RTN4RL2: variants seen among roughly 807,000 people sequenced by gnomAD.
RTN4RL2 encodes the protein reticulon-4 receptor-like 2.
Under a neutral mutation model 27.8 loss-of-function variants are expected in RTN4RL2, and 9 were observed. The ratio of observed to expected loss-of-function variants is 0.32; its 90% CI spans 0.20 to 0.57. The LOEUF is 0.57. Ranked by LOEUF, RTN4RL2 falls within the 20% of genes least tolerant of loss-of-function variation. The pLI is 0.90. For synonymous variants in RTN4RL2, 285 were observed against 297.9 expected, an observed-to-expected ratio of 0.96 and a Z score of 0.45; for missense variants, 436 against 596.8, an observed-to-expected ratio of 0.73 and a Z score of 2.81.
At position 57,467,728 on chromosome 11, in the gene RTN4RL2, T is replaced by C; in HGVS notation, c.151T>C (p.Phe51Leu). 1 of 1,612,112 alleles carries C rather than the reference T, an allele frequency of 6.2e-7. No homozygotes were observed. Among genetic ancestry groups the C allele is most frequent in the Non-Finnish European group, 8.5e-7 (1 of 1,179,684 alleles). ...CACCGTGAGCTGCCAGGCCAACAAC[T>C]TCTCCTCTGTGCCGCTGTCCCTGCC... ...PPTVSCQANN[F>L]SSVPLSLPPS... Residue 51 changes from phenylalanine (F) to leucine (L), a missense_variant, in exon 2 of 3, where the codon TTC becomes CTC. This residue lies in a region of RTN4RL2 where 365 missense variants were observed against 530.5 expected (regional missense o/e 0.69). Coordinates refer to ENST00000335099, the MANE Select transcript of RTN4RL2 (RefSeq NM_178570.3). This position sits in a 1 kb window ranked among gnomAD's most constrained non-coding sequence, Gnocchi z 5.5.
chr11:57,462,070 TGAGGGACA>T (rs2135114134), intron 1 of RTN4RL2, among the ~76,000 whole-genome samples: 1 of 151,700 alleles, frequency 6.6e-6, no homozygotes, highest in East Asian at 1.9e-4. Flanking sequence ...GGGGTGGCTG[TGAGGGACA>T]GAGGGTGAGG....
At chr11:57,468,768 A>G (rs1379251611) in intron 2 of RTN4RL2, 1 of 1,530,790 alleles carries the variant, frequency 6.5e-7, no homozygotes, top group South Asian at 1.2e-5. Context: ...ATCTCAATGC[A>G]GGGGAAGAAA....
At position 57,476,875 on chromosome 11, in the gene RTN4RL2, G is replaced by C; in HGVS notation, c.1227G>C (p.Leu409=). The part of the protein sequence containing the change: ...PALSAGLPSP[L]LCLLLLVPHH... ...TCTCGGCCGGGCTCCCCAGCCCTCT[G>C]CTTTGCCTCCTGCTCCTGGTGCCCC... The change falls in exon 3 of 3, where the codon CTG becomes CTC. Residue 409 remains leucine, a synonymous_variant. Coordinates refer to ENST00000335099, the MANE Select transcript of RTN4RL2 (RefSeq NM_178570.3). This position sits in a 1 kb window ranked among gnomAD's most constrained non-coding sequence, Gnocchi z 8.2. 1 of 1,577,294 alleles carries C rather than the reference G, an allele frequency of 6.3e-7. No individual in the cohort carries two copies. The highest frequency in any genetic ancestry group is 1.1e-5 in the South Asian group (1 of 89,926).
rs867013050 is a variant in RTN4RL2, at chr11:57,477,381, C to T, written c.*470C>T. ...CTGCTTACCCTAGTCCCCTCAACCTCCTGACACTGGAGGAATACTTTTCTC... is the reference window on the plus strand; with the variant it reads ...CTGCTTACCCTAGTCCCCTCAACCTTCTGACACTGGAGGAATACTTTTCTC... On this transcript the variant is annotated 3_prime_UTR_variant, in exon 3 of 3. Coordinates refer to ENST00000335099, the MANE Select transcript of RTN4RL2 (RefSeq NM_178570.3). 6.4e-6 allele frequency: 1 copy of T among 157,302 alleles called. No homozygotes were observed. The highest frequency in any genetic ancestry group is 2.4e-5 in the African/African-American group (1 of 41,684). 9.7% of individuals were successfully genotyped at this position (157,302 alleles called of 1,614,324 possible). A position where few individuals can be genotyped will look rare whatever the true frequency, so the allele number is the denominator to read the frequency against.
chr11:57,476,223 G>A lies in RTN4RL2; in HGVS notation c.575G>A (p.Arg192Gln), dbSNP rs767411388. 2 of 1,612,308 alleles carry A rather than the reference G, an allele frequency of 1.2e-6. No homozygotes were observed. ...SHLFLHGNRL[R>Q]LLTEHVFRGL... is the part of the protein sequence containing the mutation. Reference sequence around the variant, plus strand: ...CTCTTCCTCCACGGGAACCGCCTGCGGCTGCTCACAGAGCACGTGTTTCGC... The same window carrying A: ...CTCTTCCTCCACGGGAACCGCCTGCAGCTGCTCACAGAGCACGTGTTTCGC... Residue 192 changes from arginine (R) to glutamine (Q), a missense_variant, in exon 3 of 3, where the codon CGG (arginine) becomes CAG (glutamine). Around this residue, in one of 3 missense-constraint regions of RTN4RL2, gnomAD observed 365 missense variants for 530.5 expected, o/e 0.69. Coordinates refer to ENST00000335099, the MANE Select transcript of RTN4RL2 (RefSeq NM_178570.3). The surrounding 1 kb of genome is among the most constrained non-coding windows in gnomAD (Gnocchi z 8.2).
chr11:57,469,857 C>A (rs888761442), intron 2 of RTN4RL2, among the ~76,000 whole-genome samples: 1 of 152,122 alleles, frequency 6.6e-6, no homozygotes, highest in Non-Finnish European at 1.5e-5. Flanking sequence ...AGGCTGGGGG[C>A]CCTGAAGACC....
chr11:57,466,271 C>T (rs919214425), intron 1 of RTN4RL2, among the ~76,000 whole-genome samples: 1 of 152,054 alleles, frequency 6.6e-6, no homozygotes, highest in Non-Finnish European at 1.5e-5. Context: ...TCCCAAAGTG[C>T]TGGGATTACA....
At chr11:57,473,999 A>G (rs1424191146) in intron 2 of RTN4RL2, among the ~76,000 whole-genome samples, 1 of 149,774 alleles carries the variant, frequency 6.7e-6, no homozygotes, top group South Asian at 2.1e-4. Flanking sequence ...TCCTCTGACC[A>G]TACATCTCTG....
intron 2 of RTN4RL2, among the ~76,000 whole-genome samples, chr11:57,473,745 GGC>G (rs1943578466): frequency 6.6e-6 from 1 of 151,954 alleles, no homozygotes; most frequent in Non-Finnish European, 1.5e-5. Context: ...GGGGGGAGGA[GGC>G]AATGGACCCC....
chr11:57,477,267 A>C lies in RTN4RL2; in HGVS notation c.*356A>C. On this transcript the variant is annotated 3_prime_UTR_variant, in exon 3 of 3. Coordinates refer to ENST00000335099, the MANE Select transcript of RTN4RL2 (RefSeq NM_178570.3). ...GGCTTTTGTCTGCAGAGCGTCTTCC[A>C]CCAGCAGAGCCTTTGGAAGCTCCCC... 1 of 213,854 alleles carries C rather than the reference A, an allele frequency of 4.7e-6. No individual in the cohort carries two copies. The allele number at this position is 213,854 out of a possible 1,614,324, so 13.2% of individuals were successfully genotyped here.
Position 57,476,582 on chromosome 11 carries a change from C to T in RTN4RL2, c.934C>T (p.Pro312Ser), listed in dbSNP as rs751158987. The T allele has an allele frequency of 4.3e-6, 6 of 1,397,150 alleles. No homozygotes were observed. In the South Asian group the frequency reaches 6.4e-5, roughly 15 times the overall value. The allele number at this position is 1,397,150 out of a possible 1,614,324, so 86.5% of individuals were successfully genotyped here. A position where few individuals can be genotyped will look rare whatever the true frequency, so the allele number is the denominator to read the frequency against. The change falls in exon 3 of 3, where the codon CCC becomes TCC. Residue 312 changes from proline (P) to serine (S), a missense_variant. Around this residue, in one of 3 missense-constraint regions of RTN4RL2, gnomAD observed 365 missense variants for 530.5 expected, o/e 0.69. Coordinates refer to ENST00000335099, the MANE Select transcript of RTN4RL2 (RefSeq NM_178570.3). The surrounding 1 kb of genome is among the most constrained non-coding windows in gnomAD (Gnocchi z 8.2). Reference protein sequence around the residue: ...LREADFQACPPAAPTRPGSRA... With the variant: ...LREADFQACPSAAPTRPGSRA... ...CGAGGCCGACTTCCAGGCGTGTCCG[C>T]CCGCGGCACCCACGCGGCCGGGCAG...
Position 57,477,171 on chromosome 11 carries a change from C to A in RTN4RL2, c.*260C>A. On this transcript the variant is annotated 3_prime_UTR_variant, in exon 3 of 3. Transcript: ENST00000335099. ...TCTGGCCATTAACTCTTCCCCATCC[C>A]AAGGCTGGGGTGGGGCCCCCCAGGC... 1 of 406,494 alleles carries A rather than the reference C, an allele frequency of 2.5e-6. No homozygotes were observed. The highest frequency in any genetic ancestry group is 4.3e-6 in the Non-Finnish European group (1 of 231,002). 25.2% of individuals were successfully genotyped at this position (406,494 alleles called of 1,614,324 possible).
At chr11:57,465,494 A>G (rs1168648168) in intron 1 of RTN4RL2, among the ~76,000 whole-genome samples, 2 of 152,150 alleles carry the variant, frequency 1.3e-5, no homozygotes, top group Non-Finnish European at 2.9e-5. Context: ...CTGCCTTCAA[A>G]AGCCTAGGAC....
At chr11:57,460,982 G>C (rs1026481391) in intron 1 of RTN4RL2, 86 bp downstream of exon 1, 1 of 767,260 alleles carries the variant, frequency 1.3e-6, no homozygotes, top group Non-Finnish European at 1.9e-6. Flanking sequence ...GGGTGGGGCA[G>C]TTGGGGAGGT....
intron 1 of RTN4RL2, among the ~76,000 whole-genome samples, chr11:57,463,523 C>T (rs1943499148): frequency 6.6e-6 from 1 of 152,088 alleles, no homozygotes; most frequent in Non-Finnish European, 1.5e-5. Flanking sequence ...GAAACTCACA[C>T]TTCCCCTCCC....
In RTN4RL2 at chr11:57,476,521, C is replaced by T. The variant is rs761796838; in HGVS notation, c.873C>T (p.Pro291=). The change falls in exon 3 of 3, where the codon CCC becomes CCT. Residue 291 remains proline, a synonymous_variant. Transcript: ENST00000335099. The surrounding 1 kb of genome is among the most constrained non-coding windows in gnomAD (Gnocchi z 8.2). ...VSSSDVTCAT[P]PERQGRDLRA... ...GCTCCGACGTGACCTGCGCCACCCCCCCGGAGCGCCAGGGCCGAGACCTGC... is the reference window on the plus strand; with the variant it reads ...GCTCCGACGTGACCTGCGCCACCCCTCCGGAGCGCCAGGGCCGAGACCTGC... 7.8e-5 allele frequency: 114 copies of T among 1,456,330 alleles called. No individual in the cohort carries two copies. The highest frequency in any genetic ancestry group is 9.4e-5 in the Non-Finnish European group (105 of 1,114,044). 90.2% of individuals were successfully genotyped at this position (1,456,330 alleles called of 1,614,324 possible). A position where few individuals can be genotyped will look rare whatever the true frequency, so the allele number is the denominator to read the frequency against.
At chr11:57,465,050 C>T (rs1377972687) in intron 1 of RTN4RL2, among the ~76,000 whole-genome samples, 1 of 152,176 alleles carries the variant, frequency 6.6e-6, no homozygotes, top group Non-Finnish European at 1.5e-5. Context: ...GACGCAGCAC[C>T]GACGCAGCGC....
chr11:57,466,903 T>G (rs1006271002), intron 1 of RTN4RL2, among the ~76,000 whole-genome samples: 1 of 152,182 alleles, frequency 6.6e-6, no homozygotes, highest in Non-Finnish European at 1.5e-5. Context: ...GCTAAATGCC[T>G]TATATAGGGC....
chr11:57,462,110 C>A (rs1943489416), intron 1 of RTN4RL2, among the ~76,000 whole-genome samples: 1 of 152,028 alleles, frequency 6.6e-6, no homozygotes, highest in African/African-American at 2.4e-5. Flanking sequence ...GGAGTGACAG[C>A]CTCCGAGGGT....
Sources: allele counts gnomAD v4.1 joint callset (sites outside exome capture counted in the v4.1 genomes callset), GRCh38; gene constraint gnomAD v4.1.1; regional missense constraint gnomAD v4.1.1; non-coding constraint Gnocchi (gnomAD v3.1); transcripts MANE v1.5; gene names NCBI Gene and HGNC (gene_info 2026-07-23, HGNC 2026-07-21).